GRIP1: variants seen among roughly 807,000 people sequenced by gnomAD.
GRIP1 encodes glutamate receptor-interacting protein 1.
Under a neutral mutation model 129.9 loss-of-function variants are expected in GRIP1, and 45 were observed. That is an observed-to-expected ratio of 0.35 (90% CI 0.27 to 0.44). The LOEUF is 0.44. GRIP1 is among the 20% of genes least tolerant of loss of function. GRIP1 has a pLI of 1.00. For missense variants in GRIP1, 1,196 were observed against 1,396.8 expected (o/e 0.86, Z 2.29); for synonymous variants, 530 against 520.8 (o/e 1.02, Z -0.24).
chr12:66,523,374 T>A (rs1045657445), intron 5 of GRIP1, among the ~76,000 whole-genome samples: 2 of 141,610 alleles, frequency 1.4e-5, no homozygotes, highest in Admixed American at 1.4e-4. Flanking sequence ...GGGCCAATAT[T>A]CAACATTCTT....
chr12:67,062,641 A>T (rs2043555309), intron 1 of GRIP1, among the ~76,000 whole-genome samples: 2 of 151,994 alleles, frequency 1.3e-5, no homozygotes, highest in Admixed American at 1.3e-4. Context: ...ATAGCCCATG[A>T]CTCTACAACT....
At chr12:66,818,487 G>A (rs1434750045) in intron 1 of GRIP1, among the ~76,000 whole-genome samples, 3 of 152,040 alleles carry the variant, frequency 2.0e-5, no homozygotes, top group African/African-American at 7.2e-5. Flanking sequence ...ACTACAATTT[G>A]CCTGTTCATT....
chr12:66,664,976 C>T (rs537516745), intron 1 of GRIP1, among the ~76,000 whole-genome samples: 62 of 151,824 alleles, frequency 4.1e-4, no homozygotes, highest in Non-Finnish European at 7.1e-4. Flanking sequence ...CTGAAAATAC[C>T]AGAATAAATG....
intron 7 of GRIP1, among the ~76,000 whole-genome samples, chr12:66,494,164 A>G (rs2060176189): frequency 6.6e-6 from 1 of 152,186 alleles, no homozygotes; most frequent in African/African-American, 2.4e-5. Context: ...GGTGCTTAAC[A>G]TTAAATATTT....
intron 24 of GRIP1, among the ~76,000 whole-genome samples, chr12:66,352,637 G>C (rs535927626): frequency 1.3e-5 from 2 of 150,314 alleles, no homozygotes; most frequent in East Asian, 4.0e-4. Context: ...GGAGGCTGAG[G>C]CAGGAGAATC....
chr12:66,753,842 G>A (rs536094375), intron 1 of GRIP1, among the ~76,000 whole-genome samples: 2 of 152,312 alleles, frequency 1.3e-5, no homozygotes, highest in African/African-American at 4.8e-5. Context: ...GATAGTATCT[G>A]ATAAAGCTGC....
intron 5 of GRIP1, among the ~76,000 whole-genome samples, chr12:66,525,683 C>T (rs2061206538): frequency 6.6e-6 from 1 of 151,740 alleles, no homozygotes; most frequent in Non-Finnish European, 1.5e-5. Flanking sequence ...CTGGCCAGGG[C>T]AATTAGGCAG....
At chr12:66,611,639 G>A (rs954047886) in intron 1 of GRIP1, among the ~76,000 whole-genome samples, 1 of 152,096 alleles carries the variant, frequency 6.6e-6, no homozygotes, top group African/African-American at 2.4e-5. Context: ...TTGATGTATA[G>A]CCACTAAATG....
At chr12:66,921,049 G>A (rs2137359323) in intron 1 of GRIP1, among the ~76,000 whole-genome samples, 1 of 152,312 alleles carries the variant, frequency 6.6e-6, no homozygotes, top group South Asian at 2.1e-4. Flanking sequence ...ACTGGGAAAT[G>A]AGAGGTCCTG....
intron 19 of GRIP1, among the ~76,000 whole-genome samples, chr12:66,381,161 T>C (rs1267866423): frequency 6.6e-6 from 1 of 152,182 alleles, no homozygotes; most frequent in Admixed American, 6.5e-5. Flanking sequence ...CACCACATGA[T>C]GGAAATACTC....
intron 1 of GRIP1, among the ~76,000 whole-genome samples, chr12:66,797,004 G>A (rs1171274770): frequency 6.6e-6 from 1 of 152,170 alleles, no homozygotes; most frequent in Non-Finnish European, 1.5e-5. Flanking sequence ...TAAATCTACA[G>A]ATCCAAATAA....
chr12:66,450,303 C>CAAAAAAAAAAAAAAAAAA (rs143013040), intron 11 of GRIP1, among the ~76,000 whole-genome samples: 2 of 26,802 alleles, frequency 7.5e-5, no homozygotes, highest in East Asian at 1.4e-3. Context: ...GACTCCATCT[C>CAAAAAAAAAAAAAAAAAA]AAAAAAAAAA....
At chr12:66,536,440 C>G (rs1340157981) in intron 4 of GRIP1, among the ~76,000 whole-genome samples, 1 of 152,168 alleles carries the variant, frequency 6.6e-6, no homozygotes, top group African/African-American at 2.4e-5. Context: ...TCTGCTATAG[C>G]CACACTGTCC....
At position 66,399,357 on chromosome 12, in the gene GRIP1, G is replaced by A. The variant is rs570270390; in HGVS notation, c.1985-5005C>T. On this transcript the variant is annotated intron_variant, in intron 16 of 24. Transcript: ENST00000359742. ...GAATACTCAGACTATTTTGGAGATT[G>A]AAGCACTCCTAGATACACTCTCCTT... Among the ~76,000 whole-genome samples, 81 of 151,984 alleles carry A rather than the reference G, an allele frequency of 5.3e-4. 2 individuals carry two copies. Among genetic ancestry groups the A allele is most frequent in the African/African-American group, 1.7e-3 (72 of 41,260 alleles).
At chr12:66,434,971 A>T (rs2058256832) in intron 13 of GRIP1, among the ~76,000 whole-genome samples, 1 of 152,236 alleles carries the variant, frequency 6.6e-6, no homozygotes, top group Non-Finnish European at 1.5e-5. Flanking sequence ...CTCTTCTCTG[A>T]TTAAACCAGG....
At chr12:66,952,444 T>C (rs956058260) in intron 1 of GRIP1, among the ~76,000 whole-genome samples, 1 of 152,192 alleles carries the variant, frequency 6.6e-6, no homozygotes, top group African/African-American at 2.4e-5. Context: ...GTTTTAAAAC[T>C]TGAGATTATA....
chr12:66,640,967 C>T (rs183886104), intron 1 of GRIP1, among the ~76,000 whole-genome samples: 130 of 152,300 alleles, frequency 8.5e-4, no homozygotes, highest in African/African-American at 2.9e-3. Flanking sequence ...CAAAATCCAA[C>T]GCAAGAGTGC....
chr12:66,815,051 T>G (rs1463783665), intron 1 of GRIP1, among the ~76,000 whole-genome samples: 2 of 152,182 alleles, frequency 1.3e-5, no homozygotes, highest in African/African-American at 4.8e-5. Flanking sequence ...GGGTGGGGGA[T>G]AGCCAAACTA....
At chr12:66,902,705 C>A (rs2040862379) in intron 1 of GRIP1, among the ~76,000 whole-genome samples, 2 of 152,318 alleles carry the variant, frequency 1.3e-5, no homozygotes, top group Admixed American at 6.5e-5. Flanking sequence ...TAGTGACAAT[C>A]TTCTGGGAAA....
Sources: gnomAD v4.1 joint callset for allele counts (sites outside exome capture counted in the v4.1 genomes callset) on GRCh38, gnomAD v4.1.1 for gene constraint, MANE v1.5 for transcripts, NCBI Gene and HGNC (gene_info 2026-07-23, HGNC 2026-07-21) for gene names.